SAXO1: variants seen among roughly 807,000 people sequenced by gnomAD.
SAXO1 encodes the protein stabilizer of axonemal microtubules 1.
SAXO1 carries 21 observed loss-of-function variants against 17.5 expected under a neutral mutation model. The ratio of observed to expected loss-of-function variants is 1.20; its 90% confidence interval spans 0.85 to 1.72. The LOEUF (loss-of-function observed/expected upper bound fraction) is 1.72, where lower values mean the gene tolerates loss of function less well. SAXO1 is among the 40% of genes most tolerant of loss of function. The pLI is 0.00. For synonymous variants in SAXO1, 274 were observed against 216.5 expected (o/e 1.27, Z -2.33); for missense variants, 843 against 596.0 (o/e 1.41, Z -4.32).
chr9:19,045,016 G>A (rs566618157), intron 1 of SAXO1, among the ~76,000 whole-genome samples: 1 of 151,356 alleles, frequency 6.6e-6, no homozygotes, highest in South Asian at 2.1e-4. Flanking sequence ...AGCTCTTTAA[G>A]ATGCAATTAG....
chr9:18,998,508 TG>T (rs1834106161), intron 1 of SAXO1, among the ~76,000 whole-genome samples: 1 of 152,126 alleles, frequency 6.6e-6, no homozygotes, highest in African/African-American at 2.4e-5. Flanking sequence ...CTGAAAGTGA[TG>T]GGGAGAATGG....
In SAXO1 at chr9:19,040,619, G is replaced by A. The variant is rs1036492096; in HGVS notation, c.-158+8590C>T. Among the ~76,000 whole-genome samples, 4 of 152,056 alleles carry A rather than the reference G, an allele frequency of 2.6e-5. No individual in the cohort carries two copies. In the South Asian group the frequency reaches 6.2e-4, roughly 24 times the overall value. On this transcript the variant is annotated intron_variant, in intron 1 of 3. Transcript: ENST00000542071. ...AGATGGCGCCACTGCATTCCAGCCT[G>A]GGCAACAGAGTGAGATTCTTTCTCC...
chr9:19,026,564 C>T (rs1431189405), intron 1 of SAXO1, among the ~76,000 whole-genome samples: 1 of 152,180 alleles, frequency 6.6e-6, no homozygotes, highest in Non-Finnish European at 1.5e-5. Flanking sequence ...TGGGAAAGAA[C>T]AGCTCAATAG....
At chr9:18,962,382 G>A (rs6475281) in intron 1 of SAXO1, among the ~76,000 whole-genome samples, 9 of 152,158 alleles carry the variant, frequency 5.9e-5, no homozygotes, top group Admixed American at 3.9e-4. Context: ...TTGGGGATTT[G>A]CATTTCTCTA....
At chr9:19,001,933 T>C (rs987762110) in intron 1 of SAXO1, among the ~76,000 whole-genome samples, 4 of 151,808 alleles carry the variant, frequency 2.6e-5, no homozygotes, top group Non-Finnish European at 4.4e-5. Context: ...AAAAAACCCT[T>C]CAAAAAAATC....
intron 1 of SAXO1, among the ~76,000 whole-genome samples, chr9:18,963,366 T>C: frequency 6.6e-6 from 1 of 151,944 alleles, no homozygotes. Context: ...TTGATGGGAA[T>C]AGCATTGATT....
intron 1 of SAXO1, among the ~76,000 whole-genome samples, chr9:18,999,229 C>G (rs887497711): frequency 3.3e-5 from 5 of 152,398 alleles, no homozygotes; most frequent in Admixed American, 6.5e-5. Context: ...TGGAAAGACA[C>G]ACACAGGCTT....
chr9:18,969,430 A>G (rs2131787996), intron 1 of SAXO1, among the ~76,000 whole-genome samples: 1 of 152,294 alleles, frequency 6.6e-6, no homozygotes, highest in South Asian at 2.1e-4. Context: ...AAATATTTCC[A>G]AGGCTCTCTT....
upstream of SAXO1, among the ~76,000 whole-genome samples, chr9:19,036,818 G>A (rs1835953000): frequency 6.6e-6 from 1 of 152,212 alleles, no homozygotes. Flanking sequence ...GCTGTGAGAA[G>A]AGGGCCAGCA....
chr9:18,995,972 G>C (rs552437050), intron 1 of SAXO1, among the ~76,000 whole-genome samples: 2 of 151,810 alleles, frequency 1.3e-5, no homozygotes, highest in Admixed American at 6.6e-5. Context: ...CCAGCTATTC[G>C]GGAGGCTGGG....
intron 2 of SAXO1, among the ~76,000 whole-genome samples, chr9:18,942,781 C>A (rs145011497): frequency 1.3e-5 from 2 of 152,348 alleles, no homozygotes; most frequent in African/African-American, 4.8e-5. Context: ...GGGCTTAGCT[C>A]GGACTTGTGT....
rs1563921581 is a variant in SAXO1 at position 18,928,648 on chromosome 9, T to C, written c.829A>G (p.Lys277Glu). The C allele has an allele frequency of 6.2e-7, 1 of 1,614,072 alleles. No homozygotes were observed. Residue 277 changes from lysine (K) to glutamate (E), a missense_variant, in exon 4 of 4, where the codon AAG becomes GAG. Lys to Glu is a moderately conservative substitution (Grantham distance 56). Coordinates refer to ENST00000380534, the MANE Select transcript of SAXO1 (RefSeq NM_153707.4). Reference sequence around the variant, plus strand: ...CGGGGCATTGGCCAAGCTTGGTACTTATCTCGAAACTCAGTGGTGTTACAG... The same window carrying C: ...CGGGGCATTGGCCAAGCTTGGTACTCATCTCGAAACTCAGTGGTGTTACAG... ...PFCNTTEFRD[K>E]YQAWPMPRMF...
intron 3 of SAXO1, among the ~76,000 whole-genome samples, chr9:18,937,234 C>T (rs1050093766): frequency 3.3e-5 from 5 of 152,222 alleles, no homozygotes; most frequent in Admixed American, 1.3e-4. Context: ...TGGTAAGTGG[C>T]ATGGGCCTTC....
chr9:19,042,170 G>A (rs1836094205), intron 1 of SAXO1, among the ~76,000 whole-genome samples: 1 of 152,026 alleles, frequency 6.6e-6, no homozygotes, highest in Admixed American at 6.6e-5. Flanking sequence ...ACATACAAAT[G>A]GCAAACAGGC....
rs538801059 is a variant in SAXO1, at chr9:18,947,485, C to T, written c.218+3273G>A. Among the ~76,000 whole-genome samples, 5 of 152,302 alleles carry T rather than the reference C, an allele frequency of 3.3e-5. No homozygotes were observed. In the South Asian group the frequency reaches 1.0e-3, roughly 32 times the overall value. On this transcript the variant is annotated intron_variant, in intron 2 of 3. Transcript: ENST00000380534. ...TATCTCCTCACTCTGTGCCTCCATT[C>T]CACTCTACCCATGGTCCCACTCCCT... is the stretch of plus-strand genomic sequence containing the variant.
chr9:18,928,517 C>G lies in SAXO1; in HGVS notation c.960G>C (p.Gln320His). The G allele has an allele frequency of 6.2e-7, 1 of 1,613,932 alleles. No homozygotes were observed. Among genetic ancestry groups the G allele is most frequent in the Non-Finnish European group, 8.5e-7 (1 of 1,179,936 alleles). The change falls in exon 4 of 4, where the codon CAG becomes CAC. Residue 320 changes from glutamine (Q) to histidine (H), a missense_variant. Transcript: ENST00000380534. Reference protein sequence around the residue: ...HYTCPKGAPAQSCRPALQIKK... With the variant: ...HYTCPKGAPAHSCRPALQIKK... ...TAATCTGAAGTGCAGGTCGGCAGGA[C>G]TGAGCTGGGGCACCCTTAGGGCATG...
intron 1 of SAXO1, among the ~76,000 whole-genome samples, chr9:19,026,017 A>T (rs1261116462): frequency 6.6e-6 from 1 of 152,238 alleles, no homozygotes; most frequent in Non-Finnish European, 1.5e-5. Context: ...TAAGTTGGAT[A>T]GAAGAAATAA....
intron 1 of SAXO1, among the ~76,000 whole-genome samples, chr9:18,996,676 A>G (rs748403216): frequency 7.9e-5 from 12 of 152,182 alleles, no homozygotes; most frequent in Non-Finnish European, 1.6e-4. Flanking sequence ...ACTAAACTAG[A>G]AATAGAAACG....
chr9:19,008,918 C>T (rs920387824), intron 1 of SAXO1, among the ~76,000 whole-genome samples: 24 of 152,200 alleles, frequency 1.6e-4, no homozygotes, highest in African/African-American at 5.8e-4. Flanking sequence ...GAAAGCTGAT[C>T]ACAGCACCGG....
Sources: allele counts gnomAD v4.1 joint callset (sites outside exome capture counted in the v4.1 genomes callset), GRCh38; gene constraint gnomAD v4.1.1; transcripts MANE v1.5; gene names NCBI Gene and HGNC (gene_info 2026-07-23, HGNC 2026-07-21).